IL1RAPL1: variants seen among roughly 807,000 people sequenced by gnomAD.
The protein encoded by IL1RAPL1 is interleukin 1 receptor accessory protein like 1, also known as interleukin-1 receptor accessory protein-like 1.
IL1RAPL1 carries 3 observed loss-of-function variants against 48.4 expected under a neutral mutation model. That is an observed-to-expected ratio of 0.06 (90% CI 0.03 to 0.16). IL1RAPL1 has a LOEUF of 0.16. Among genes scored for constraint, IL1RAPL1 ranks in the 10% least tolerant of loss-of-function variants. The pLI is 1.00. For missense variants in IL1RAPL1, 349 were observed against 530.6 expected, an observed-to-expected ratio of 0.66 and a Z score of 3.36; for synonymous variants, 185 against 187.7, an observed-to-expected ratio of 0.99 and a Z score of 0.12.
At chrX:28,852,047 G>A (rs1056920603) in intron 2 of IL1RAPL1, among the ~76,000 whole-genome samples, 1 of 111,893 alleles carries the variant, frequency 8.9e-6, no homozygotes, top group Admixed American at 9.5e-5. Context: ...GAGGTATGTG[G>A]TAACTTTGTT....
intron 1 of IL1RAPL1, among the ~76,000 whole-genome samples, chrX:28,593,980 A>C (rs1314192798): frequency 7.2e-5 from 8 of 111,259 alleles, no homozygotes; most frequent in Non-Finnish European, 1.9e-5. Flanking sequence ...ATTATTATGA[A>C]TATAATAACT....
chrX:29,248,940 C>T (rs1336933954), intron 2 of IL1RAPL1, among the ~76,000 whole-genome samples: 1 of 111,391 alleles, frequency 9.0e-6, no homozygotes, highest in Non-Finnish European at 1.9e-5. Context: ...GAGGACTAGT[C>T]AAGAAAGTTA....
chrX:29,553,437 G>A (rs754591188), intron 5 of IL1RAPL1, among the ~76,000 whole-genome samples: 10 of 111,484 alleles, frequency 9.0e-5, no homozygotes, highest in Non-Finnish European at 1.9e-4. Context: ...GGCCCCGTTA[G>A]TTTGGTTGTA....
chrX:29,557,425 C>T (rs1372397839), intron 5 of IL1RAPL1, among the ~76,000 whole-genome samples: 2 of 111,610 alleles, frequency 1.8e-5, no homozygotes, highest in African/African-American at 3.3e-5. Context: ...GTGTACAACA[C>T]GATGTTTCGA....
In IL1RAPL1 at chrX:29,131,009, G is replaced by A. The variant is rs147366375; in HGVS notation, c.83-151929G>A. ...GGAGTCTGTGATAATTAAGAGCAGT[G>A]TTGGACTGTGGTCATGTCAGACACT... On this transcript the variant is annotated intron_variant, in intron 2 of 10. Transcript: ENST00000378993. Among the ~76,000 whole-genome samples the A allele has an allele frequency of 5.5e-4, 62 of 112,118 alleles. 1 individual carries two copies. The highest frequency in any genetic ancestry group is 1.8e-3 in the African/African-American group (56 of 30,902).
chrX:29,608,721 G>A (rs1923989087), intron 5 of IL1RAPL1, among the ~76,000 whole-genome samples: 1 of 100,874 alleles, frequency 9.9e-6, no homozygotes, highest in African/African-American at 3.8e-5. Context: ...AGCTACTCGG[G>A]AGGCTGAGGC....
chrX:28,836,554 G>A (rs1171033249), intron 2 of IL1RAPL1, among the ~76,000 whole-genome samples: 1 of 109,315 alleles, frequency 9.1e-6, no homozygotes, highest in Non-Finnish European at 1.9e-5. Flanking sequence ...AGAAAGAAAA[G>A]GATTTATTTA....
At chrX:28,870,221 GT>G (rs1922175905) in intron 2 of IL1RAPL1, among the ~76,000 whole-genome samples, 1 of 111,328 alleles carries the variant, frequency 9.0e-6, no homozygotes, top group Admixed American at 9.6e-5. Flanking sequence ...TTTAATACCT[GT>G]TGTCAGTTCT....
intron 1 of IL1RAPL1, among the ~76,000 whole-genome samples, chrX:28,615,199 GTTTT>G (rs778402885): frequency 8.8e-4 from 23 of 26,044 alleles, no homozygotes; most frequent in African/African-American, 3.0e-3. Flanking sequence ...ACTGTTGTCT[GTTTT>G]TTTTTTTTTT....
At chrX:29,822,198 G>T (rs1205359187) in intron 6 of IL1RAPL1, among the ~76,000 whole-genome samples, 3 of 111,062 alleles carry the variant, frequency 2.7e-5, no homozygotes, top group Non-Finnish European at 5.7e-5. Flanking sequence ...CCTATATTGT[G>T]AAGAAAATAC....
At chrX:29,938,814 G>A (rs1274533839) in intron 8 of IL1RAPL1, among the ~76,000 whole-genome samples, 1 of 112,107 alleles carries the variant, frequency 8.9e-6, no homozygotes, top group Non-Finnish European at 1.9e-5. Context: ...GTTCTTGAGT[G>A]TAATTTAAAT....
At chrX:29,821,978 T>A (rs1930629387) in intron 6 of IL1RAPL1, among the ~76,000 whole-genome samples, 1 of 112,102 alleles carries the variant, frequency 8.9e-6, no homozygotes, top group Non-Finnish European at 1.9e-5. Context: ...AGTGCAACAT[T>A]TAAGTATCAA....
intron 2 of IL1RAPL1, among the ~76,000 whole-genome samples, chrX:28,797,563 G>C (rs1367093992): frequency 9.0e-6 from 1 of 111,504 alleles, no homozygotes; most frequent in African/African-American, 3.3e-5. Context: ...AACATAACAA[G>C]AGTCACCTTT....
intron 6 of IL1RAPL1, among the ~76,000 whole-genome samples, chrX:29,771,168 T>C (rs1191306183): frequency 8.9e-6 from 1 of 112,187 alleles, no homozygotes; most frequent in East Asian, 2.8e-4. Flanking sequence ...TAAAATTGTG[T>C]CCAGAAAAAT....
chrX:28,810,021 A>T (rs765966930), intron 2 of IL1RAPL1, among the ~76,000 whole-genome samples: 6 of 109,211 alleles, frequency 5.5e-5, no homozygotes, highest in Non-Finnish European at 1.2e-4. Context: ...TTTTATGAGT[A>T]ACTGTATTGA....
chrX:29,247,243 A>G (rs970918720), intron 2 of IL1RAPL1, among the ~76,000 whole-genome samples: 3 of 111,954 alleles, frequency 2.7e-5, no homozygotes, highest in Middle Eastern at 9.3e-3. Context: ...TTATGAAACA[A>G]TAGGGCTTAT....
intron 2 of IL1RAPL1, among the ~76,000 whole-genome samples, chrX:28,883,164 A>G (rs1191469963): frequency 1.8e-5 from 2 of 111,997 alleles, no homozygotes; most frequent in Admixed American, 9.5e-5. Flanking sequence ...TTCCTCACTG[A>G]ATAAGAAGAA....
chrX:29,564,153 TG>T (rs761168548), intron 5 of IL1RAPL1, among the ~76,000 whole-genome samples: 9 of 111,995 alleles, frequency 8.0e-5, no homozygotes, highest in Non-Finnish European at 1.7e-4. Flanking sequence ...ATCTGTGTCC[TG>T]GAACTTGCTG....
chrX:29,696,789 C>CT (rs1186799835), intron 6 of IL1RAPL1, among the ~76,000 whole-genome samples: 33 of 104,353 alleles, frequency 3.2e-4, no homozygotes, highest in East Asian at 2.4e-3. Context: ...TAACAATCGC[C>CT]TTTTTTTTTT....
Sources: gnomAD v4.1 joint callset for allele counts (sites outside exome capture counted in the v4.1 genomes callset) on GRCh38, gnomAD v4.1.1 for gene constraint, MANE v1.5 for transcripts, NCBI Gene and HGNC (gene_info 2026-07-23, HGNC 2026-07-21) for gene names.